SLC44A1: variants seen among roughly 807,000 people sequenced by gnomAD.
SLC44A1 encodes the protein solute carrier family 44 member 1, also known as choline transporter-like protein 1.
SLC44A1 carries 26 observed loss-of-function variants against 79.3 expected under a neutral mutation model. The ratio of observed to expected loss-of-function variants is 0.33; its 90% CI spans 0.24 to 0.46. SLC44A1 has a LOEUF of 0.46. SLC44A1 is among the 20% of genes least tolerant of loss of function. SLC44A1 has a pLI of 1.00. For missense variants in SLC44A1, 688 were observed against 798.1 expected, an observed-to-expected ratio of 0.86 and a Z score of 1.66; for synonymous variants, 263 against 286.2, an observed-to-expected ratio of 0.92 and a Z score of 0.82.
chr9:105,371,057 C>G (rs1828082616), intron 12 of SLC44A1, among the ~76,000 whole-genome samples: 1 of 152,052 alleles, frequency 6.6e-6, no homozygotes, highest in Non-Finnish European at 1.5e-5. Flanking sequence ...GAGTTATATC[C>G]CAGATCACTG....
intron 15 of SLC44A1, among the ~76,000 whole-genome samples, chr9:105,430,528 G>A (rs1461611508): frequency 1.3e-5 from 2 of 152,162 alleles, no homozygotes; most frequent in African/African-American, 2.4e-5. Context: ...TATACAATAT[G>A]TAGAATTATT....
chr9:105,269,244 G>A (rs1469376385), intron 1 of SLC44A1, among the ~76,000 whole-genome samples: 2 of 151,992 alleles, frequency 1.3e-5, no homozygotes, highest in Non-Finnish European at 1.5e-5. Flanking sequence ...ACCCCTAATG[G>A]CAATATCTTT....
Position 105,390,455 on chromosome 9 carries a change from T to G in SLC44A1, c.*1399T>G. Reference sequence around the variant, plus strand: ...CAAAAAAAAAAAAAAAAAAAAAGCCTCAGCATTTTATCATTCCATGGAAGG... The same window carrying G: ...CAAAAAAAAAAAAAAAAAAAAAGCCGCAGCATTTTATCATTCCATGGAAGG... On this transcript the variant is annotated 3_prime_UTR_variant, in exon 16 of 16. Transcript: ENST00000374720. 4 of 511,658 alleles carry G rather than the reference T, an allele frequency of 7.8e-6. No individual in the cohort carries two copies. Among genetic ancestry groups the G allele is most frequent in the Non-Finnish European group, 9.5e-6 (4 of 419,784 alleles). The allele number at this position is 511,658 out of a possible 1,614,324, so 31.7% of individuals were successfully genotyped here. A position where few individuals can be genotyped will look rare whatever the true frequency, so the allele number is the denominator to read the frequency against.
In SLC44A1 at chr9:105,295,762, G is replaced by T. The variant is rs186236493; in HGVS notation, c.37-3458G>T. Among the ~76,000 whole-genome samples, 278 of 152,146 alleles carry T rather than the reference G, an allele frequency of 1.8e-3. 2 individuals carry two copies. The highest frequency in any genetic ancestry group is 6.2e-3 in the African/African-American group (259 of 41,538). Reference sequence around the variant, plus strand: ...GAGTCACAGACTTGGGGCGGGGAGTGGGGGGGAGGGCGCCAAAGACTGATT... The same window carrying T: ...GAGTCACAGACTTGGGGCGGGGAGTTGGGGGGAGGGCGCCAAAGACTGATT... On this transcript the variant is annotated intron_variant, in intron 1 of 15. Transcript: ENST00000374720.
chr9:105,372,811 G>A (rs935703657), intron 12 of SLC44A1, among the ~76,000 whole-genome samples: 5 of 146,430 alleles, frequency 3.4e-5, no homozygotes, highest in Admixed American at 1.4e-4. Flanking sequence ...TTAGCCGGGC[G>A]TAGTGGCGGG....
chr9:105,297,774 T>A (rs12347364), intron 1 of SLC44A1, among the ~76,000 whole-genome samples: 6,748 of 152,246 alleles, frequency 0.044, 251 homozygotes, highest in East Asian at 0.11. Flanking sequence ...GAGAGAGAAC[T>A]AAGCCTGGTT....
intron 15 of SLC44A1, among the ~76,000 whole-genome samples, chr9:105,387,450 C>T (rs546126544): frequency 1.3e-5 from 2 of 152,144 alleles, no homozygotes; most frequent in South Asian, 2.1e-4. Flanking sequence ...TTCTGTATCC[C>T]TCTTATTTCA....
At chr9:105,272,715 C>G (rs62575073) in intron 1 of SLC44A1, among the ~76,000 whole-genome samples, 2 of 151,972 alleles carry the variant, frequency 1.3e-5, no homozygotes, top group Non-Finnish European at 2.9e-5. Context: ...TTTTAGGTAT[C>G]CCAAATTCCA....
chr9:105,296,312 C>T (rs989099109), intron 1 of SLC44A1, among the ~76,000 whole-genome samples: 6 of 152,204 alleles, frequency 3.9e-5, no homozygotes, highest in African/African-American at 1.2e-4. Flanking sequence ...CCTCTCTCCA[C>T]TTCTCATTCC....
intron 2 of SLC44A1, among the ~76,000 whole-genome samples, chr9:105,302,171 T>C (rs1316064792): frequency 2.0e-5 from 3 of 152,144 alleles, no homozygotes; most frequent in Admixed American, 1.3e-4. Flanking sequence ...TCTTCTACAT[T>C]TGAACTTTCA....
At chr9:105,385,601 T>G (rs1828607752) in intron 15 of SLC44A1, 99 bp downstream of exon 15, 1 of 1,523,688 alleles carries the variant, frequency 6.6e-7, no homozygotes. Flanking sequence ...GAGAAGCTTT[T>G]GTTATCTGTA....
chr9:105,305,401 TACTC>T (rs1264704264), intron 2 of SLC44A1, among the ~76,000 whole-genome samples: 4 of 152,178 alleles, frequency 2.6e-5, no homozygotes, highest in Admixed American at 6.5e-5. Context: ...TTTACATAAA[TACTC>T]ACTCTGCATC....
At chr9:105,322,994 G>A (rs12555203) in intron 3 of SLC44A1, among the ~76,000 whole-genome samples, 3,002 of 151,344 alleles carry the variant, frequency 0.02, 35 homozygotes, top group Middle Eastern at 0.078. Flanking sequence ...AGGTCAAGGC[G>A]GGCGGGTTAC....
intron 15 of SLC44A1, among the ~76,000 whole-genome samples, chr9:105,433,944 A>C (rs1829431926): frequency 6.6e-6 from 1 of 152,226 alleles, no homozygotes; most frequent in Non-Finnish European, 1.5e-5. Flanking sequence ...AAACAAAGAG[A>C]AAGACAACAA....
chr9:105,361,394 A>T, intron 8 of SLC44A1, 64 bp downstream of exon 8: 1 of 1,446,116 alleles, frequency 6.9e-7, no homozygotes, highest in South Asian at 1.4e-5. Flanking sequence ...TCATTAATGG[A>T]GCAGAAACTC....
chr9:105,324,738 A>G (rs1564438065), intron 3 of SLC44A1, among the ~76,000 whole-genome samples: 1 of 152,236 alleles, frequency 6.6e-6, no homozygotes, highest in Non-Finnish European at 1.5e-5. Context: ...GTGAATGTCT[A>G]ACAGGCACAT....
chr9:105,294,995 GA>G (rs1830688952), intron 1 of SLC44A1, among the ~76,000 whole-genome samples: 1 of 151,758 alleles, frequency 6.6e-6, no homozygotes, highest in South Asian at 2.1e-4. Flanking sequence ...GTGAGCCTGA[GA>G]AAGGCATTCT....
chr9:105,309,910 G>A, intron 3 of SLC44A1, 44 bp downstream of exon 3: 1 of 1,581,102 alleles, frequency 6.3e-7, no homozygotes, highest in Non-Finnish European at 8.6e-7. Flanking sequence ...AACTTTGAAA[G>A]AGGCACAGAG....
At chr9:105,351,642 G>GAAAGAAAGAAAGAAAGAAAGAA (rs1827443399) in intron 5 of SLC44A1, among the ~76,000 whole-genome samples, 3 of 145,704 alleles carry the variant, frequency 2.1e-5, no homozygotes, top group Non-Finnish European at 1.5e-5. Flanking sequence ...GAGAAAGAAA[G>GAAAGAAAGAAAGAAAGAAAGAA]AAAGAAAGAA....
Sources: allele counts gnomAD v4.1 joint callset (sites outside exome capture counted in the v4.1 genomes callset), GRCh38; gene constraint gnomAD v4.1.1; transcripts MANE v1.5; gene names NCBI Gene and HGNC (gene_info 2026-07-23, HGNC 2026-07-21).